MAST2: variants seen among roughly 807,000 people sequenced by gnomAD.
MAST2 encodes the protein microtubule-associated serine/threonine-protein kinase 2.
MAST2 carries 70 observed loss-of-function variants against 147.4 expected under a neutral mutation model. The ratio of observed to expected loss-of-function variants is 0.47; its 90% CI spans 0.39 to 0.58. The LOEUF (loss-of-function observed/expected upper bound fraction) is 0.58. Ranked by LOEUF, MAST2 falls within the 20% of genes least tolerant of loss-of-function variation. The probability of loss-of-function intolerance (pLI) is 0.00; values close to 1 mark genes in which losing one functional copy is unlikely to be tolerated. For missense variants in MAST2, 2,080 were observed against 2,302.3 expected (o/e 0.90, Z 1.98); for synonymous variants, 869 against 896.8 (o/e 0.97, Z 0.55).
At position 46,002,906 on chromosome 1, in the gene MAST2, A is replaced by G. The variant is rs765116258; in HGVS notation, c.747+23A>G. Reference sequence around the variant, plus strand: ...TCAGTAAGTAGCCAAATCTGTGGCCATACTTCCTTCACCCTAAGGAAGTAC... The same window carrying G: ...TCAGTAAGTAGCCAAATCTGTGGCCGTACTTCCTTCACCCTAAGGAAGTAC... On this transcript the variant is annotated intron_variant, in intron 7 of 28. Coordinates refer to ENST00000361297, the MANE Select transcript of MAST2 (RefSeq NM_015112.3). 1.5e-5 allele frequency: 24 copies of G among 1,609,086 alleles called. 1 individual carries two copies. The highest frequency in any genetic ancestry group is 7.7e-5 in the South Asian group (7 of 90,952).
chr1:45,808,373 C>T (rs1029059594), intron 1 of MAST2, among the ~76,000 whole-genome samples: 2 of 152,018 alleles, frequency 1.3e-5, no homozygotes, highest in African/African-American at 4.8e-5. Context: ...GCATGCCTGG[C>T]TAATTTTTTG....
chr1:45,849,392 A>G (rs981329794), intron 3 of MAST2, among the ~76,000 whole-genome samples: 2 of 152,178 alleles, frequency 1.3e-5, no homozygotes, highest in African/African-American at 2.4e-5. Context: ...ACATAGATCA[A>G]TGGAACTTTA....
rs192181800 is a variant in MAST2 at position 45,937,855 on chromosome 1, C to T, written c.501-21531C>T. ...TAAATTTAATTGCCTATTGTAATCT[C>T]TTCAGTGTAAGGGATTCAATGGTTT... On this transcript the variant is annotated intron_variant, in intron 4 of 28. Transcript: ENST00000361297. 2.7e-3 allele frequency among the ~76,000 whole-genome samples: 405 copies of T among 149,896 alleles called. 1 individual carries two copies. Among genetic ancestry groups the T allele is most frequent in the Admixed American group, 4.3e-3 (64 of 15,022 alleles).
intron 4 of MAST2, among the ~76,000 whole-genome samples, chr1:45,953,654 G>A (rs1023749370): frequency 2.0e-5 from 3 of 152,162 alleles, no homozygotes; most frequent in South Asian, 2.1e-4. Context: ...CAAGTAAAGG[G>A]AACAGTTAAC....
chr1:45,906,597 A>G (rs967060690), intron 4 of MAST2, among the ~76,000 whole-genome samples: 1 of 148,470 alleles, frequency 6.7e-6, no homozygotes, highest in Non-Finnish European at 1.5e-5. Context: ...AATGTTGTAT[A>G]TATTATTGTT....
At position 46,000,944 on chromosome 1, in the gene MAST2, A is replaced by AT. The variant is rs752387720; in HGVS notation, c.669-1854dup. ...TCCTTTGGTTCTCACTATAATGTGT[A>AT]TTTTTTTACTACAGCCATAGCCACA... On this transcript the variant is annotated intron_variant, in intron 6 of 28. Transcript: ENST00000361297. 3.7e-4 allele frequency: 471 copies of AT among 1,289,382 alleles called. 3 individuals carry two copies. Among genetic ancestry groups the AT allele is most frequent in the South Asian group, 2.9e-3 (231 of 81,006 alleles). 79.9% of individuals were successfully genotyped at this position (1,289,382 alleles called of 1,614,324 possible). A position where few individuals can be genotyped will look rare whatever the true frequency, so the allele number is the denominator to read the frequency against.
intron 4 of MAST2, among the ~76,000 whole-genome samples, chr1:45,921,057 G>A (rs1199385522): frequency 2.6e-5 from 4 of 152,166 alleles, no homozygotes; most frequent in Non-Finnish European, 4.4e-5. Context: ...GTGCAGTGGC[G>A]CAATCTCGGC....
Position 46,031,528 on chromosome 1 carries a change from G to A in MAST2, c.3130G>A (p.Val1044Ile). 1.2e-6 allele frequency: 2 copies of A among 1,614,174 alleles called. No individual in the cohort carries two copies. The highest frequency in any genetic ancestry group is 1.7e-6 in the Non-Finnish European group (2 of 1,180,012). Residue 1044 changes from valine (V) to isoleucine (I), a missense_variant, in exon 24 of 29, where the codon GTC (valine) becomes ATC (isoleucine). Coordinates refer to ENST00000361297, the MANE Select transcript of MAST2 (RefSeq NM_015112.3). The surrounding 1 kb of genome is among the most constrained non-coding windows in gnomAD (Gnocchi z 4.1). The stretch of plus-strand genomic sequence containing the variant: ...AACAGAGAAGCGCACTGCTCGCCCT[G>A]TCAACAAAGTGATCAAGTCCGCCTC... ...DSTEKRTARP[V>I]NKVIKSASAT...
At chr1:45,937,042 C>CTT (rs34638611) in intron 4 of MAST2, among the ~76,000 whole-genome samples, 1 of 136,046 alleles carries the variant, frequency 7.4e-6, no homozygotes, top group African/African-American at 2.7e-5. Context: ...CATGCCTGGG[C>CTT]TTTTTTTTTT....
At chr1:45,987,784 T>TTTTTTTTTTTTTTTTTTG in intron 5 of MAST2, among the ~76,000 whole-genome samples, 1 of 140,572 alleles carries the variant, frequency 7.1e-6, no homozygotes, top group African/African-American at 2.6e-5. Context: ...TTGATTTTTT[T>TTTTTTTTTTTTTTTTTTG]TTTTTTTTTT....
At chr1:45,995,138 C>T (rs917184500) in intron 5 of MAST2, among the ~76,000 whole-genome samples, 12 of 152,176 alleles carry the variant, frequency 7.9e-5, no homozygotes, top group Non-Finnish European at 2.9e-5. Flanking sequence ...CCACGCCTGG[C>T]CCATATCTTC....
At position 45,825,034 on chromosome 1, in the gene MAST2, C is replaced by CT. The variant is rs1288227131; in HGVS notation, c.325+463dup. 9.2e-5 allele frequency among the ~76,000 whole-genome samples: 14 copies of CT among 151,410 alleles called. No individual in the cohort carries two copies. The East Asian group carries it at 1.7e-3, about 19-fold the overall frequency. The stretch of plus-strand genomic sequence containing the variant: ...CATTGTGGCATAATTCTTTTCTTTC[C>CT]TTTTTTTTTGAGATGGAGTTTCGCT... On this transcript the variant is annotated intron_variant, in intron 2 of 28. Coordinates refer to ENST00000361297, the MANE Select transcript of MAST2 (RefSeq NM_015112.3).
In MAST2 at chr1:45,943,462, G is replaced by C. The variant is rs117341760; in HGVS notation, c.501-15924G>C. Among the ~76,000 whole-genome samples, 59 of 152,312 alleles carry C rather than the reference G, an allele frequency of 3.9e-4. 1 individual carries two copies. In the East Asian group the frequency reaches 0.011, roughly 28 times the overall value. On this transcript the variant is annotated intron_variant, in intron 4 of 28. Transcript: ENST00000361297. The stretch of plus-strand genomic sequence containing the variant: ...AGGGGTTGGACACTGTTGGTCACAA[G>C]ATGTTTAGGGTTGAGGGAACAAGTT...
chr1:45,806,107 A>G (rs1464794354), intron 1 of MAST2, among the ~76,000 whole-genome samples: 1 of 152,206 alleles, frequency 6.6e-6, no homozygotes, highest in Non-Finnish European at 1.5e-5. Context: ...GAGTACCTGT[A>G]TGATCACAAC....
At chr1:45,873,676 A>G (rs1646488449) in intron 3 of MAST2, among the ~76,000 whole-genome samples, 1 of 152,246 alleles carries the variant, frequency 6.6e-6, no homozygotes, top group Non-Finnish European at 1.5e-5. Context: ...ATAAGGAAGT[A>G]AGTAGCAGAA....
intron 5 of MAST2, among the ~76,000 whole-genome samples, chr1:45,978,668 A>G (rs1258521126): frequency 6.6e-6 from 1 of 152,226 alleles, no homozygotes; most frequent in African/African-American, 2.4e-5. Context: ...TAATACAACT[A>G]TTTTGCAAAA....
intron 5 of MAST2, among the ~76,000 whole-genome samples, chr1:45,961,932 C>G (rs1457646557): frequency 1.3e-5 from 2 of 151,980 alleles, no homozygotes; most frequent in Admixed American, 6.5e-5. Context: ...TCCCCCCACC[C>G]CACAACAGGC....
At chr1:45,918,850 C>CA (rs1652991839) in intron 4 of MAST2, among the ~76,000 whole-genome samples, 1 of 152,184 alleles carries the variant, frequency 6.6e-6, no homozygotes, top group Non-Finnish European at 1.5e-5. Flanking sequence ...CAGTGGCTTA[C>CA]ACCTGTAATC....
At chr1:45,954,645 C>T (rs1659398402) in intron 4 of MAST2, among the ~76,000 whole-genome samples, 1 of 152,140 alleles carries the variant, frequency 6.6e-6, no homozygotes, top group South Asian at 2.1e-4. Flanking sequence ...TTCTTAGGAT[C>T]CTGGGGAAAT....
Sources: allele counts gnomAD v4.1 joint callset (sites outside exome capture counted in the v4.1 genomes callset), GRCh38; gene constraint gnomAD v4.1.1; non-coding constraint Gnocchi (gnomAD v3.1); transcripts MANE v1.5; gene names NCBI Gene and HGNC (gene_info 2026-07-23, HGNC 2026-07-21).